DNHD1: variants seen among roughly 807,000 people sequenced by gnomAD.
The protein encoded by DNHD1 is dynein heavy chain domain 1.
A neutral mutation model predicts 458.1 loss-of-function variants in DNHD1; 383 were observed. The observed-to-expected ratio is 0.84, with a 90% CI of 0.77 to 0.91. The LOEUF (loss-of-function observed/expected upper bound fraction) is 0.91, where lower values mean the gene tolerates loss of function less well. Among genes scored for constraint, DNHD1 ranks in the 40% least tolerant of loss-of-function variants. The pLI is 0.00. For missense variants in DNHD1, 5,336 were observed against 5,866.1 expected (o/e 0.91, Z 2.95); for synonymous variants, 2,203 against 2,376.9 (o/e 0.93, Z 2.13).
rs969671745 is a variant in DNHD1, at chr11:6,505,056, C to G, written c.920+2130C>G. Among the ~76,000 whole-genome samples, 4 of 151,986 alleles carry G rather than the reference C, an allele frequency of 2.6e-5. No homozygotes were observed. Among genetic ancestry groups the G allele is most frequent in the African/African-American group, 9.7e-5 (4 of 41,366 alleles). On this transcript the variant is annotated intron_variant, in intron 4 of 42. Transcript: ENST00000254579. The surrounding 1 kb of genome is among the most constrained non-coding windows in gnomAD (Gnocchi z 4.4). Reference sequence around the variant, plus strand: ...TTGTTGCTCAAGCTGGTCTCGAACTCCTGGGCTCAAGCTATCCTCCCTTCT... The same window carrying G: ...TTGTTGCTCAAGCTGGTCTCGAACTGCTGGGCTCAAGCTATCCTCCCTTCT...
intron 29 of DNHD1, 48 bp from the exon 30 acceptor site, chr11:6,563,334 A>C: frequency 6.5e-7 from 1 of 1,543,472 alleles, no homozygotes; most frequent in South Asian, 1.2e-5. Flanking sequence ...TGAAGGAAGA[A>C]CAGAACATCT....
chr11:6,570,939 A>T lies in DNHD1; in HGVS notation c.13427A>T (p.Asn4476Ile). The change falls in exon 42 of 43, where the codon AAT becomes ATT. Residue 4476 changes from asparagine to isoleucine, a missense_variant. Physicochemically the swap from Asn to Ile is moderately radical, Grantham distance 149. This residue lies in a region of DNHD1 where 698 missense variants were observed against 664.9 expected (regional missense o/e 1.05). Transcript: ENST00000254579. ...GCCCCGTGGTCAGTGCTGGGGCCAAATGCACGGCGGCCTCTGGAGGGCGTC... is the reference window on the plus strand; with the variant it reads ...GCCCCGTGGTCAGTGCTGGGGCCAATTGCACGGCGGCCTCTGGAGGGCGTC... ...SDAPWSVLGP[N>I]ARRPLEGVLE... The T allele has an allele frequency of 6.2e-7, 1 of 1,609,248 alleles. No homozygotes were observed.
chr11:6,512,431 C>T (rs374424920), intron 7 of DNHD1, among the ~76,000 whole-genome samples: 40 of 151,732 alleles, frequency 2.6e-4, no homozygotes, highest in Non-Finnish European at 4.4e-4. Context: ...ACTGTGTTAG[C>T]CAGGATGGTC....
chr11:6,533,656 C>T (rs1401625510), intron 13 of DNHD1, 25 bp from the exon 14 acceptor site: 58 of 1,525,812 alleles, frequency 3.8e-5, no homozygotes, highest in South Asian at 1.5e-4. Flanking sequence ...GTGGGGCTGC[C>T]GGTCTCATGC....
At chr11:6,555,493 G>C (rs1223935803) in intron 24 of DNHD1, among the ~76,000 whole-genome samples, 1 of 152,168 alleles carries the variant, frequency 6.6e-6, no homozygotes, top group Non-Finnish European at 1.5e-5. Flanking sequence ...CCTGTGAAAG[G>C]CACACTGTAA....
rs1340106411 is a variant in DNHD1, at chr11:6,571,638, G to A, written c.13914G>A (p.Val4638=). ...EMNSNPLHFR[V]ENGPNPTVPE... is the part of the protein sequence containing the mutation. ...TGACCAGCTTCTGACGCCCCCAGGT[G>A]GAGAATGGTCCAAATCCCACGGTTC... is the stretch of plus-strand genomic sequence containing the variant. The change falls in exon 43 of 43, where the codon GTG becomes GTA. Residue 4638 remains valine, a splice_region_variant and synonymous_variant. Coordinates refer to ENST00000254579, the MANE Select transcript of DNHD1 (RefSeq NM_144666.3). This position sits in a 1 kb window ranked among gnomAD's most constrained non-coding sequence, Gnocchi z 5.0. The A allele has an allele frequency of 6.4e-7, 1 of 1,573,056 alleles. No homozygotes were observed. The highest frequency in any genetic ancestry group is 1.3e-5 in the African/African-American group (1 of 74,082).
At chr11:6,534,295 C>T (rs1030305641) in intron 14 of DNHD1, 122 bp downstream of exon 14, 3 of 984,140 alleles carry the variant, frequency 3.0e-6, no homozygotes, top group African/African-American at 3.3e-5. Flanking sequence ...AATCACACAC[C>T]TTCACTGGTG....
intron 10 of DNHD1, 123 bp from the exon 11 acceptor site, chr11:6,528,399 G>T (rs1042355137): frequency 6.7e-6 from 8 of 1,186,902 alleles, no homozygotes; most frequent in Non-Finnish European, 9.1e-6. Flanking sequence ...CATGAGCAGC[G>T]AATGGGTGTG....
At position 6,557,985 on chromosome 11, in the gene DNHD1, G is replaced by C; in HGVS notation, c.8690G>C (p.Arg2897Pro). The change falls in exon 25 of 43, where the codon CGC becomes CCC. Residue 2897 changes from arginine (R) to proline (P), a missense_variant. By Grantham distance (103) the Arg-to-Pro change is moderately radical. Coordinates refer to ENST00000254579, the MANE Select transcript of DNHD1 (RefSeq NM_144666.3). ...LLLSGALGTGRHTAITLASSI... is the reference protein window; with the variant it reads ...LLLSGALGTGPHTAITLASSI... Reference sequence around the variant, plus strand: ...CTCTCGGGGGCTCTGGGTACTGGGCGCCACACTGCCATCACTCTGGCTTCT... The same window carrying C: ...CTCTCGGGGGCTCTGGGTACTGGGCCCCACACTGCCATCACTCTGGCTTCT... The C allele has an allele frequency of 3.2e-6, 5 of 1,551,660 alleles. No homozygotes were observed. Among genetic ancestry groups the C allele is most frequent in the Non-Finnish European group, 4.4e-6 (5 of 1,146,984 alleles).
At chr11:6,558,736 C>A in intron 26 of DNHD1, 43 bp downstream of exon 26, 1 of 1,539,458 alleles carries the variant, frequency 6.5e-7, no homozygotes, top group East Asian at 2.4e-5. Context: ...CTCTACCAGG[C>A]TCTAATGAGG....
intron 3 of DNHD1, among the ~76,000 whole-genome samples, chr11:6,499,558 G>C (rs369226013): frequency 7.2e-5 from 11 of 151,790 alleles, no homozygotes; most frequent in African/African-American, 2.4e-4. Context: ...TTTTTCTTTT[G>C]TTTCTTTCTT....
rs749210932 is a variant in DNHD1, at chr11:6,547,539, T to C, written c.6600T>C (p.Ser2200=). ...TCCTCACCTGCCAAGGTGTCAGCTC[T>C]CTGCTGCAGGTACACGGGCAGCAGG... ...LRFLTCQGVS[S]LLQVHGQQAV... Residue 2200 remains serine (S), a synonymous_variant, in exon 21 of 43, where the codon TCT becomes TCC. Coordinates refer to ENST00000254579, the MANE Select transcript of DNHD1 (RefSeq NM_144666.3). 15 of 1,551,176 alleles carry C rather than the reference T, an allele frequency of 9.7e-6. No homozygotes were observed. The highest frequency in any genetic ancestry group is 5.9e-5 in the Admixed American group (3 of 50,996).
At chr11:6,529,503 T>C (rs1313294130) in intron 12 of DNHD1, among the ~76,000 whole-genome samples, 1 of 152,242 alleles carries the variant, frequency 6.6e-6, no homozygotes, top group Non-Finnish European at 1.5e-5. Flanking sequence ...CTTGTCTTAC[T>C]CTGTAGTCCT....
intron 7 of DNHD1, among the ~76,000 whole-genome samples, chr11:6,512,335 C>A: frequency 6.7e-6 from 1 of 149,144 alleles, no homozygotes; most frequent in Non-Finnish European, 1.5e-5. Context: ...ATTCTCCTGC[C>A]TCAGCCTCCC....
In DNHD1 at chr11:6,539,948, C is replaced by G; in HGVS notation, c.3493C>G (p.Arg1165Gly). Residue 1165 changes from arginine (R) to glycine (G), a missense_variant, in exon 18 of 43, where the codon CGC becomes GGC. Transcript: ENST00000254579. ...GCGGTTGCAGCGGTACTGGGAAGCG[C>G]GCCAGCTGCGCCTGCTCAACTTCAT... is the stretch of plus-strand genomic sequence containing the variant. The part of the protein sequence containing the change: ...IRRLQRYWEA[R>G]QLRLLNFILH... 6.4e-7 allele frequency: 1 copy of G among 1,551,736 alleles called. No homozygotes were observed. Among genetic ancestry groups the G allele is most frequent in the Non-Finnish European group, 8.7e-7 (1 of 1,146,986 alleles).
rs1230339657 is a variant in DNHD1, at chr11:6,525,781, G to A, written c.1838-2741G>A. Among the ~76,000 whole-genome samples the A allele has an allele frequency of 2.0e-5, 3 of 152,150 alleles. No individual in the cohort carries two copies. The East Asian group carries it at 5.8e-4, about 29-fold the overall frequency. Reference sequence around the variant, plus strand: ...TAAATATGTTACTATGTTTTCTTAGGACATTATGAGTTGCTATCAAAAAGC... The same window carrying A: ...TAAATATGTTACTATGTTTTCTTAGAACATTATGAGTTGCTATCAAAAAGC... On this transcript the variant is annotated intron_variant, in intron 10 of 42. Transcript: ENST00000254579.
chr11:6,540,508 C>T (rs1159946948), intron 18 of DNHD1, among the ~76,000 whole-genome samples: 2 of 152,194 alleles, frequency 1.3e-5, no homozygotes, highest in Non-Finnish European at 2.9e-5. Flanking sequence ...TTGAGACTTA[C>T]AGACAGTATC....
At chr11:6,553,475 C>T (rs992436214) in intron 24 of DNHD1, among the ~76,000 whole-genome samples, 11 of 152,148 alleles carry the variant, frequency 7.2e-5, no homozygotes, top group Non-Finnish European at 1.5e-4. Context: ...CAACACTGTA[C>T]TGGAGACCAC....
At chr11:6,566,438 C>G (rs1425108876) in intron 34 of DNHD1, 45 bp downstream of exon 34, 1 of 1,552,178 alleles carries the variant, frequency 6.4e-7, no homozygotes, top group Non-Finnish European at 8.7e-7. Flanking sequence ...TGTGGACACA[C>G]TAGGCCCTCA....
Sources: allele counts gnomAD v4.1 joint callset (sites outside exome capture counted in the v4.1 genomes callset), GRCh38; gene constraint gnomAD v4.1.1; regional missense constraint gnomAD v4.1.1; non-coding constraint Gnocchi (gnomAD v3.1); transcripts MANE v1.5; gene names NCBI Gene and HGNC (gene_info 2026-07-23, HGNC 2026-07-21).